The following MARCHF11 variants were observed in gnomAD, a reference collection of about 807,000 sequenced individuals.
The protein encoded by MARCHF11 is E3 ubiquitin-protein ligase MARCHF11.
Under a neutral mutation model 37.3 loss-of-function variants are expected in MARCHF11, and 29 were observed. The observed-to-expected ratio is 0.78, with a 90% CI of 0.58 to 1.06. The LOEUF (loss-of-function observed/expected upper bound fraction) is 1.06. Ranked by LOEUF, MARCHF11 falls within the 50% of genes least tolerant of loss-of-function variation. The probability of loss-of-function intolerance (pLI) is 0.00; values close to 1 mark genes in which losing one functional copy is unlikely to be tolerated. For missense variants in MARCHF11, 482 were observed against 533.4 expected (o/e 0.90, Z 0.95); for synonymous variants, 233 against 228.0 (o/e 1.02, Z -0.20).
chr5:16,141,492 A>T (rs1172343896), intron 2 of MARCHF11: 1 of 152,212 alleles, frequency 6.6e-6, no homozygotes, highest in African/African-American at 2.4e-5. Context: ...AGAATGTGAA[A>T]GCCATCTGGA....
At chr5:16,170,276 A>G (rs1175775537) in intron 2 of MARCHF11, among the ~76,000 whole-genome samples, 1 of 152,164 alleles carries the variant, frequency 6.6e-6, no homozygotes, top group Non-Finnish European at 1.5e-5. Flanking sequence ...CAATCTCAAG[A>G]AAGTGAGGGT....
At chr5:16,137,043 A>G (rs1356939693) in intron 2 of MARCHF11, among the ~76,000 whole-genome samples, 13 of 152,238 alleles carry the variant, frequency 8.5e-5, no homozygotes, top group Admixed American at 8.5e-4. Flanking sequence ...TAAATAATAA[A>G]ACAAATAACA....
At chr5:16,110,529 T>A (rs1338225387) in intron 2 of MARCHF11, among the ~76,000 whole-genome samples, 1 of 152,204 alleles carries the variant, frequency 6.6e-6, no homozygotes, top group African/African-American at 2.4e-5. Context: ...GATATTTATT[T>A]GAATTAGAAG....
rs115629635 is a variant in MARCHF11, at chr5:16,093,548, C to T, written c.694-2467G>A. On this transcript the variant is annotated intron_variant, in intron 2 of 3. Coordinates refer to ENST00000332432, the MANE Select transcript of MARCHF11 (RefSeq NM_001102562.3). Reference sequence around the variant, plus strand: ...GTGGCCATGCACTGACCCTGAGGTGCCATCCTCTTCCATTTTCTGTATGGC... The same window carrying T: ...GTGGCCATGCACTGACCCTGAGGTGTCATCCTCTTCCATTTTCTGTATGGC... Among the ~76,000 whole-genome samples, 237 of 152,172 alleles carry T rather than the reference C, an allele frequency of 1.6e-3. 1 individual carries two copies. The Middle Eastern group carries it at 0.017, about 11-fold the overall frequency.
intron 3 of MARCHF11, among the ~76,000 whole-genome samples, chr5:16,068,905 T>G (rs1470795361): frequency 6.6e-6 from 1 of 152,240 alleles, no homozygotes; most frequent in Non-Finnish European, 1.5e-5. Flanking sequence ...GCAGAGCATG[T>G]CGGCTGGCAC....
chr5:16,160,731 C>G lies in MARCHF11; in HGVS notation c.693+16995G>C, dbSNP rs955268815. Among the ~76,000 whole-genome samples the G allele has an allele frequency of 1.4e-4, 21 of 151,896 alleles. No individual in the cohort carries two copies. In the East Asian group the frequency reaches 3.9e-3, roughly 28 times the overall value. On this transcript the variant is annotated intron_variant, in intron 2 of 3. Transcript: ENST00000332432. ...CAAAATCTCATCAAATAGAGAGACACCTTGGTTTTAAACAAATTAGGTGAG... is the reference window on the plus strand; with the variant it reads ...CAAAATCTCATCAAATAGAGAGACAGCTTGGTTTTAAACAAATTAGGTGAG...
intron 2 of MARCHF11, among the ~76,000 whole-genome samples, chr5:16,146,322 G>C (rs1008111426): frequency 7.2e-5 from 11 of 152,180 alleles, no homozygotes; most frequent in Admixed American, 4.6e-4. Context: ...TTACTCATCA[G>C]TTAGCTCCCA....
At position 16,154,595 on chromosome 5, in the gene MARCHF11, CAAAAAGG is replaced by C. The variant is rs1016867908; in HGVS notation, c.693+23124_693+23130del. On this transcript the variant is annotated intron_variant, in intron 2 of 3. Coordinates refer to ENST00000332432, the MANE Select transcript of MARCHF11 (RefSeq NM_001102562.3). ...ACTGACAGACCAAGCTGCCACCTCC[CAAAAAGG>C]GAGGGGGGGGAGGAAACTTTGTAAT... 3.4e-4 allele frequency among the ~76,000 whole-genome samples: 51 copies of C among 151,612 alleles called. 1 individual carries two copies. The highest frequency in any genetic ancestry group is 1.1e-3 in the Admixed American group (16 of 15,188).
intron 2 of MARCHF11, among the ~76,000 whole-genome samples, chr5:16,177,473 C>T (rs558368499): frequency 1.3e-5 from 2 of 152,306 alleles, no homozygotes; most frequent in East Asian, 1.9e-4. Context: ...AGAAAAAAGA[C>T]TGGTATCATT....
chr5:16,128,698 A>G (rs1256620030), intron 2 of MARCHF11, among the ~76,000 whole-genome samples: 1 of 152,220 alleles, frequency 6.6e-6, no homozygotes, highest in Admixed American at 6.5e-5. Flanking sequence ...CAAAAGAAAT[A>G]ACCTCTTTGG....
chr5:16,158,057 G>A (rs1738006550), intron 2 of MARCHF11, among the ~76,000 whole-genome samples: 1 of 151,848 alleles, frequency 6.6e-6, no homozygotes, highest in Non-Finnish European at 1.5e-5. Context: ...GAAGACATAT[G>A]AAACAGGCAT....
chr5:16,164,877 C>T (rs1320102655), intron 2 of MARCHF11, among the ~76,000 whole-genome samples: 1 of 152,034 alleles, frequency 6.6e-6, no homozygotes, highest in Non-Finnish European at 1.5e-5. Flanking sequence ...CATGCTTCTA[C>T]CCCTGCCTCT....
chr5:16,167,916 A>C (rs168263), intron 2 of MARCHF11, among the ~76,000 whole-genome samples: 147,213 of 152,116 alleles, frequency 0.97, 71,346 homozygotes, highest in East Asian at 1. Flanking sequence ...TTAAAAAGTA[A>C]CAATTTCTAC....
chr5:16,178,236 G>A (rs999964045), intron 1 of MARCHF11, among the ~76,000 whole-genome samples: 2 of 152,206 alleles, frequency 1.3e-5, no homozygotes, highest in Non-Finnish European at 2.9e-5. Context: ...TGCTAAAGAA[G>A]AAACGCATGG....
At chr5:16,079,965 A>G (rs1418394502) in intron 3 of MARCHF11, among the ~76,000 whole-genome samples, 3 of 150,714 alleles carry the variant, frequency 2.0e-5, no homozygotes, top group Non-Finnish European at 3.0e-5. Flanking sequence ...CTGGATTTTC[A>G]CTCTTTCTTC....
intron 3 of MARCHF11, among the ~76,000 whole-genome samples, chr5:16,077,525 T>C (rs749501946): frequency 2.0e-4 from 30 of 152,170 alleles, no homozygotes; most frequent in Non-Finnish European, 2.8e-4. Context: ...TGGCTTCATT[T>C]TTCACTTCTC....
At position 16,148,904 on chromosome 5, in the gene MARCHF11, T is replaced by C. The variant is rs116184854; in HGVS notation, c.693+28822A>G. ...TGAAAGTATCTCAATAGTTCTCAGA[T>C]AAATTTCTCAAAAGAAAGGAACATT... On this transcript the variant is annotated intron_variant, in intron 2 of 3. Transcript: ENST00000332432. 3.5e-3 allele frequency among the ~76,000 whole-genome samples: 535 copies of C among 152,270 alleles called. 1 individual carries two copies. The highest frequency in any genetic ancestry group is 0.012 in the African/African-American group (515 of 41,570).
intron 3 of MARCHF11, among the ~76,000 whole-genome samples, chr5:16,072,682 C>G (rs879639092): frequency 2.6e-5 from 4 of 152,090 alleles, no homozygotes; most frequent in Non-Finnish European, 4.4e-5. Flanking sequence ...TTAGCTTTCC[C>G]AAGGGTCATT....
chr5:16,167,370 C>T (rs1738189512), intron 2 of MARCHF11, among the ~76,000 whole-genome samples: 1 of 152,100 alleles, frequency 6.6e-6, no homozygotes, highest in Admixed American at 6.6e-5. Context: ...CTGATACATT[C>T]CAGACCCAGA....
Sources: allele counts gnomAD v4.1 joint callset (sites outside exome capture counted in the v4.1 genomes callset), GRCh38; gene constraint gnomAD v4.1.1; transcripts MANE v1.5; gene names NCBI Gene and HGNC (gene_info 2026-07-23, HGNC 2026-07-21).